BUD23: variants seen among roughly 807,000 people sequenced by gnomAD.
The protein encoded by BUD23 is 18S rRNA (guanine-N(7))-methyltransferase.
In BUD23, 34 loss-of-function variants were observed where a neutral mutation model predicts 47.0. The ratio of observed to expected loss-of-function variants is 0.72; its 90% confidence interval spans 0.55 to 0.96. BUD23 has a LOEUF of 0.96. Among genes scored for constraint, BUD23 ranks in the 40% least tolerant of loss-of-function variants. The pLI, the probability that BUD23 is intolerant of heterozygous loss-of-function variation, is 0.00. For synonymous variants in BUD23, 124 were observed against 132.0 expected (o/e 0.94, Z 0.41); for missense variants, 343 against 361.2 (o/e 0.95, Z 0.41).
chr7:73,685,573 T>C (rs1797934453), intron 2 of BUD23, among the ~76,000 whole-genome samples: 1 of 152,030 alleles, frequency 6.6e-6, no homozygotes, highest in South Asian at 2.1e-4. Context: ...GCCCGACTAG[T>C]TTGTGTAATT....
rs1554615169 is a variant in BUD23, at chr7:73,697,830, AG to A, written c.793del. On this transcript the variant is annotated splice_acceptor_variant, in intron 11 of 11. Transcript: ENST00000265758. LOFTEE classifies it high-confidence loss of function. ...AGACTGTCCTATTCCTTTTCTGCAC[AG>A]GGAAGTCAGACCTGACACCCAGTAC... 6.2e-7 allele frequency: 1 copy of A among 1,613,794 alleles called. No individual in the cohort carries two copies. Among genetic ancestry groups the A allele is most frequent in the Non-Finnish European group, 8.5e-7 (1 of 1,179,928 alleles).
At chr7:73,685,858 C>G (rs1554612899) in intron 2 of BUD23, among the ~76,000 whole-genome samples, 3 of 151,296 alleles carry the variant, frequency 2.0e-5, no homozygotes, top group African/African-American at 7.3e-5. Flanking sequence ...TTTGGGAGGC[C>G]GAGGCTGGCG....
At chr7:73,687,134 CAG>C (rs1554613185) in intron 5 of BUD23, 39 bp downstream of exon 5, 2 of 1,597,750 alleles carry the variant, frequency 1.3e-6, no homozygotes, top group Middle Eastern at 2.2e-4. Flanking sequence ...TATTTAGAGA[CAG>C]GGTCTCACTC....
rs1584206676 is a variant in BUD23 at position 73,683,661 on chromosome 7, A to AC, written c.41dup (p.Glu15ArgfsTer5). 4 of 1,612,936 alleles carry AC rather than the reference A, an allele frequency of 2.5e-6. No individual in the cohort carries two copies. The highest frequency in any genetic ancestry group is 1.7e-6 in the Non-Finnish European group (2 of 1,179,712). ...GCGGCCGGCGTCCGGAGCATGGCGG[A>AC]CCCCCAGAGCTGGTAAGTCCCGGGG... On this transcript the variant is annotated frameshift_variant, in exon 1 of 12. Coordinates refer to ENST00000265758, the MANE Select transcript of BUD23 (RefSeq NM_017528.5). LOFTEE classifies it high-confidence loss of function.
chr7:73,697,273 G>C (rs1246866498), intron 10 of BUD23: 1 of 620,476 alleles, frequency 1.6e-6, no homozygotes, highest in Admixed American at 2.7e-5. Flanking sequence ...GTGATGATGT[G>C]TCATTGCATT....
rs1347362529 is a variant in BUD23, at chr7:73,693,675, G to A, written c.642+6G>A. 6.2e-7 allele frequency: 1 copy of A among 1,614,048 alleles called. No individual in the cohort carries two copies. Among genetic ancestry groups the A allele is most frequent in the African/African-American group, 1.3e-5 (1 of 74,910 alleles). On this transcript the variant is annotated splice_donor_region_variant and intron_variant, in intron 9 of 11. Coordinates refer to ENST00000265758, the MANE Select transcript of BUD23 (RefSeq NM_017528.5). ...CTTCGACCTTTATACCAGAGGTGAG[G>A]GACACTGGGTTTGCAGGCAGGCCTG...
At chr7:73,686,062 C>T (rs1797954410) in intron 2 of BUD23, among the ~76,000 whole-genome samples, 1 of 150,534 alleles carries the variant, frequency 6.6e-6, no homozygotes, top group Non-Finnish European at 1.5e-5. Context: ...CGCCACTGCA[C>T]TCCAGCCTGG....
chr7:73,696,805 C>T (rs1158285606), intron 10 of BUD23: 2 of 153,064 alleles, frequency 1.3e-5, no homozygotes, highest in Non-Finnish European at 2.9e-5. Flanking sequence ...TCATGTGCCT[C>T]CTGCAGGGCT....
rs1275736061 is a variant in BUD23 at position 73,693,678 on chromosome 7, C to T, written c.642+9C>T. 2 of 1,614,050 alleles carry T rather than the reference C, an allele frequency of 1.2e-6. No homozygotes were observed. The highest frequency in any genetic ancestry group is 2.7e-5 in the African/African-American group (2 of 74,922). ...CGACCTTTATACCAGAGGTGAGGGACACTGGGTTTGCAGGCAGGCCTGTGT... is the reference window on the plus strand; with the variant it reads ...CGACCTTTATACCAGAGGTGAGGGATACTGGGTTTGCAGGCAGGCCTGTGT... On this transcript the variant is annotated intron_variant, in intron 9 of 11. Coordinates refer to ENST00000265758, the MANE Select transcript of BUD23 (RefSeq NM_017528.5).
intron 2 of BUD23, 119 bp downstream of exon 2, chr7:73,683,923 G>A (rs782786788): frequency 8.3e-5 from 132 of 1,591,140 alleles, no homozygotes; most frequent in South Asian, 1.6e-4. Flanking sequence ...GAAGGACCCG[G>A]GTGGGTGCCG....
At chr7:73,689,131 C>A (rs11765108) in intron 5 of BUD23, among the ~76,000 whole-genome samples, 39,926 of 152,016 alleles carry the variant, frequency 0.26, 6,378 homozygotes, top group South Asian at 0.35. Flanking sequence ...CTCACTGCAA[C>A]CTCTGCCTCC....
rs1283964636 is a variant in BUD23, at chr7:73,683,853, A to C, written c.86+49A>C. 4 of 1,613,912 alleles carry C rather than the reference A, an allele frequency of 2.5e-6. No individual in the cohort carries two copies. The Admixed American group carries it at 5.0e-5, about 20-fold the overall frequency. On this transcript the variant is annotated intron_variant, in intron 2 of 11. Transcript: ENST00000265758. ...GGGCGTCCGGGGGTCGGGAAGCGGCAAGTTGCCCCTGTTGCTGGCGTTGCC... is the reference window on the plus strand; with the variant it reads ...GGGCGTCCGGGGGTCGGGAAGCGGCCAGTTGCCCCTGTTGCTGGCGTTGCC...
chr7:73,692,539 C>T (rs1373363241), intron 6 of BUD23, 57 bp from the exon 7 acceptor site: 1 of 1,552,340 alleles, frequency 6.4e-7, no homozygotes, highest in African/African-American at 1.4e-5. Context: ...AGAGGGGTGT[C>T]CAGGCCCTAA....
chr7:73,688,115 C>A (rs573721036), intron 5 of BUD23, among the ~76,000 whole-genome samples: 1 of 152,056 alleles, frequency 6.6e-6, no homozygotes. Flanking sequence ...CCAGGATGGT[C>A]TCAATCTCCT....
intron 10 of BUD23, chr7:73,697,363 T>C (rs547444295): frequency 1.4e-6 from 2 of 1,427,328 alleles, no homozygotes; most frequent in East Asian, 5.0e-5. Context: ...TAGGTCTCCA[T>C]GCCCGGCCCA....
Position 73,683,658 on chromosome 7 carries a change from C to T in BUD23, c.33C>T (p.Gly11=), listed in dbSNP as rs1050380117. 3.1e-6 allele frequency: 5 copies of T among 1,612,780 alleles called. No individual in the cohort carries two copies. Among genetic ancestry groups the T allele is most frequent in the East Asian group, 2.2e-5 (1 of 44,876 alleles). Residue 11 remains glycine, a synonymous_variant, in exon 1 of 12, where the codon GGC becomes GGT. Transcript: ENST00000265758. MASRGRRPEH[G]GPPELFYDET... ...CCCGCGGCCGGCGTCCGGAGCATGG[C>T]GGACCCCCAGAGCTGGTAAGTCCCG... is the stretch of plus-strand genomic sequence containing the variant.
Position 73,697,932 on chromosome 7 carries a change from T to C in BUD23, c.*46T>C, listed in dbSNP as rs1554615222. The C allele has an allele frequency of 1.3e-6, 2 of 1,572,110 alleles. No homozygotes were observed. Among genetic ancestry groups the C allele is most frequent in the Non-Finnish European group, 1.7e-6 (2 of 1,163,092 alleles). ...AGGCACTTGCCTCTGCACTTTTCTATATTGTTCAGCTGACAAAGTAGTATT... is the reference window on the plus strand; with the variant it reads ...AGGCACTTGCCTCTGCACTTTTCTACATTGTTCAGCTGACAAAGTAGTATT... On this transcript the variant is annotated 3_prime_UTR_variant, in exon 12 of 12. Coordinates refer to ENST00000265758, the MANE Select transcript of BUD23 (RefSeq NM_017528.5).
At position 73,697,628 on chromosome 7, in the gene BUD23, G is replaced by C. The variant is rs376250993; in HGVS notation, c.725G>C (p.Arg242Pro). The C allele has an allele frequency of 4.9e-5, 79 of 1,613,616 alleles. 1 individual carries two copies. The Middle Eastern group carries it at 6.6e-4, about 13-fold the overall frequency. The part of the protein sequence containing the change: ...NERFPLRMSR[R>P]GMVRKSRAWV... ...AGGTTCCCATTAAGGATGTCGAGGC[G>C]GGGAATGGTGAGGAAGAGTCGGGCA... Residue 242 changes from arginine to proline, a missense_variant, in exon 11 of 12, where the codon CGG (arginine) becomes CCG (proline). Physicochemically the swap from Arg to Pro is moderately radical, Grantham distance 103. Coordinates refer to ENST00000265758, the MANE Select transcript of BUD23 (RefSeq NM_017528.5).
chr7:73,697,783 C>G, intron 11 of BUD23, 49 bp from the exon 12 acceptor site: 1 of 1,611,778 alleles, frequency 6.2e-7, no homozygotes, highest in Non-Finnish European at 8.5e-7. Flanking sequence ...GGGTCCAGGG[C>G]TGCTTTGATC....
Sources: allele counts gnomAD v4.1 joint callset (sites outside exome capture counted in the v4.1 genomes callset), GRCh38; gene constraint gnomAD v4.1.1; transcripts MANE v1.5; gene names NCBI Gene and HGNC (gene_info 2026-07-23, HGNC 2026-07-21).